Variants in CRLF1 observed in about 807,000 individuals in gnomAD.
The protein encoded by CRLF1 is cytokine receptor-like factor 1.
In CRLF1, 36 loss-of-function variants were observed where a neutral mutation model predicts 48.9. The ratio of observed to expected loss-of-function variants is 0.74; its 90% confidence interval spans 0.56 to 0.97. The LOEUF (loss-of-function observed/expected upper bound fraction) is 0.97. Ranked by LOEUF, CRLF1 falls within the 50% of genes least tolerant of loss-of-function variation. CRLF1 has a pLI of 0.00. For synonymous variants in CRLF1, 256 were observed against 253.4 expected, an observed-to-expected ratio of 1.01 and a Z score of -0.10; for missense variants, 534 against 575.1, an observed-to-expected ratio of 0.93 and a Z score of 0.73.
chr19:18,594,289 CTGGTCG>C lies in CRLF1; in HGVS notation c.1164_1169del (p.Tyr388_Gln390delinsTer). 1 of 1,612,732 alleles carries C rather than the reference CTGGTCG, an allele frequency of 6.2e-7. No homozygotes were observed. The highest frequency in any genetic ancestry group is 1.3e-5 in the African/African-American group (1 of 74,928). ...GCGACTTCTGCATCCAGGCTCGCCA[CTGGTCG>C]TAGAGGCGGAAGCTGAGGTTGGAGC... On this transcript the variant is annotated stop_gained and inframe_deletion, in exon 7 of 9. Transcript: ENST00000392386. LOFTEE classifies it high-confidence loss of function.
rs769963837 is a variant in CRLF1 at position 18,593,612 on chromosome 19, G to T, written c.1256-33C>A. 2.5e-6 allele frequency: 4 copies of T among 1,589,968 alleles called. No individual in the cohort carries two copies. The East Asian group carries it at 6.8e-5, about 27-fold the overall frequency. On this transcript the variant is annotated intron_variant, in intron 8 of 8. Coordinates refer to ENST00000392386, the MANE Select transcript of CRLF1 (RefSeq NM_004750.5). ...CAGAGGGGAAGCCAAGCTAAGCAGG[G>T]AGTCCAGGAGAGGGCCGCACCACAG...
intron 1 of CRLF1, among the ~76,000 whole-genome samples, chr19:18,601,778 C>A (rs1367629604): frequency 5.9e-5 from 9 of 152,098 alleles, no homozygotes; most frequent in Admixed American, 5.9e-4. Flanking sequence ...CTCGGCCAAT[C>A]CTGCTTATAT....
At position 18,606,477 on chromosome 19, in the gene CRLF1, G is replaced by C. The variant is rs1976297999; in HGVS notation, c.115+65C>G. On this transcript the variant is annotated intron_variant, in intron 1 of 8. Coordinates refer to ENST00000392386, the MANE Select transcript of CRLF1 (RefSeq NM_004750.5). The surrounding 1 kb of genome is among the most constrained non-coding windows in gnomAD (Gnocchi z 4.8). ...GGCGCCCGCGCCCCCTCCCCCCGCG[G>C]CTGCCCCCGGGGCGCCCGCCCTCTG... 9.3e-7 allele frequency: 1 copy of C among 1,079,520 alleles called. No homozygotes were observed. Among genetic ancestry groups the C allele is most frequent in the Non-Finnish European group, 1.1e-6 (1 of 889,302 alleles). The allele number at this position is 1,079,520 out of a possible 1,614,324, so 66.9% of individuals were successfully genotyped here. A position where few individuals can be genotyped will look rare whatever the true frequency, so the allele number is the denominator to read the frequency against.
chr19:18,604,595 G>A (rs755644075), intron 1 of CRLF1, among the ~76,000 whole-genome samples: 19 of 152,150 alleles, frequency 1.2e-4, no homozygotes, highest in Non-Finnish European at 2.4e-4. Context: ...CTGGGGTCCC[G>A]GCTGACTAGG....
At chr19:18,600,698 A>G (rs569654174) in intron 1 of CRLF1, among the ~76,000 whole-genome samples, 95 of 152,054 alleles carry the variant, frequency 6.2e-4, no homozygotes, top group Non-Finnish European at 9.0e-4. Context: ...ACGGGGTTTC[A>G]CCATATTGGC....
At chr19:18,604,178 G>T (rs1976258125) in intron 1 of CRLF1, among the ~76,000 whole-genome samples, 1 of 152,114 alleles carries the variant, frequency 6.6e-6, no homozygotes, top group African/African-American at 2.4e-5. Context: ...CCTGGCTGGG[G>T]GGCGCTGCCC....
chr19:18,595,792 G>T (rs530519894), intron 6 of CRLF1, among the ~76,000 whole-genome samples: 1 of 152,356 alleles, frequency 6.6e-6, no homozygotes, highest in African/African-American at 2.4e-5. Flanking sequence ...TGGACCCGGA[G>T]AAATCCCAGA....
At chr19:18,594,008 C>T in intron 8 of CRLF1, 57 bp downstream of exon 8, 1 of 1,538,784 alleles carries the variant, frequency 6.5e-7, no homozygotes, top group Non-Finnish European at 8.8e-7. Flanking sequence ...GACCTGCAGC[C>T]ACCGGAAGGG....
chr19:18,598,329 G>C, intron 4 of CRLF1, 103 bp downstream of exon 4: 1 of 1,337,526 alleles, frequency 7.5e-7, no homozygotes, highest in Non-Finnish European at 1.0e-6. Flanking sequence ...GGGAGGGGCA[G>C]GTGGGACCCT....
At chr19:18,604,926 T>G (rs747354306) in intron 1 of CRLF1, among the ~76,000 whole-genome samples, 83 of 152,100 alleles carry the variant, frequency 5.5e-4, no homozygotes, top group Non-Finnish European at 7.4e-5. Flanking sequence ...GGGAAAAGTG[T>G]GAGATTCTCT....
At chr19:18,600,524 G>A (rs1467737895) in intron 1 of CRLF1, among the ~76,000 whole-genome samples, 4 of 152,070 alleles carry the variant, frequency 2.6e-5, no homozygotes, top group East Asian at 3.9e-4. Context: ...CCGCCACCAC[G>A]CCTGGCTAAT....
In CRLF1 at chr19:18,596,964, G is replaced by A. The variant is rs1976145251; in HGVS notation, c.783C>T (p.Pro261=). 3.1e-6 allele frequency: 5 copies of A among 1,614,030 alleles called. No individual in the cohort carries two copies. The highest frequency in any genetic ancestry group is 3.4e-6 in the Non-Finnish European group (4 of 1,180,008). The change falls in exon 5 of 9, where the codon CCC becomes CCT. Residue 261 remains proline, a synonymous_variant. Coordinates refer to ENST00000392386, the MANE Select transcript of CRLF1 (RefSeq NM_004750.5). ...CTTGAAAGAGGAAATCCTTGAGGGC[G>A]GGTGGCGACACCCAGCGCACGCTCA... ...DQLSVRWVSP[P]ALKDFLFQAK...
chr19:18,594,828 G>A (rs1028678936), intron 6 of CRLF1, among the ~76,000 whole-genome samples: 21 of 152,112 alleles, frequency 1.4e-4, no homozygotes, highest in African/African-American at 4.3e-4. Flanking sequence ...ACGGATGAGA[G>A]AGCCGGGGCC....
chr19:18,594,141 G>A (rs773194299), intron 7 of CRLF1, 34 bp from the exon 8 acceptor site: 2 of 1,586,740 alleles, frequency 1.3e-6, no homozygotes, highest in Admixed American at 1.8e-5. Context: ...GTGTCGTGGG[G>A]GCTGCAGACC....
Position 18,597,431 on chromosome 19 carries a change from C to CTTTTTTTTTTTTTTTTTTTT in CRLF1, c.698-383_698-382insAAAAAAAAAAAAAAAAAAAA, listed in dbSNP as rs765610119. Among the ~76,000 whole-genome samples the CTTTTTTTTTTTTTTTTTTTT allele has an allele frequency of 1.2e-4, 10 of 81,644 alleles. 3 individuals are homozygous for CTTTTTTTTTTTTTTTTTTTT. The highest frequency in any genetic ancestry group is 3.3e-4 in the African/African-American group (5 of 15,268). The allele number at this position is 81,644 out of a possible 152,430, so 53.6% of individuals were successfully genotyped here. ...TCCCCACTCACACCTCCCTTCCACTCTTTTTTTTTTTTTTTTGAGACGGAG... is the reference window on the plus strand; with the variant it reads ...TCCCCACTCACACCTCCCTTCCACTCTTTTTTTTTTTTTTTTTTTTTTTTTTTTTTTTTTTTGAGACGGAG... On this transcript the variant is annotated intron_variant, in intron 4 of 8. Coordinates refer to ENST00000392386, the MANE Select transcript of CRLF1 (RefSeq NM_004750.5).
Position 18,606,293 on chromosome 19 carries a change from C to T in CRLF1, c.115+249G>A, listed in dbSNP as rs950561688. 1.4e-4 allele frequency among the ~76,000 whole-genome samples: 22 copies of T among 151,752 alleles called. No individual in the cohort carries two copies. Among genetic ancestry groups the T allele is most frequent in the Non-Finnish European group, 3.2e-4 (22 of 67,806 alleles). The stretch of plus-strand genomic sequence containing the variant: ...CGCGATCCCCCCAGCCCCCGGGGGC[C>T]TGGCCTGGCGCCCTCGGCCCAGCTG... On this transcript the variant is annotated intron_variant, in intron 1 of 8. Coordinates refer to ENST00000392386, the MANE Select transcript of CRLF1 (RefSeq NM_004750.5). The surrounding 1 kb of genome is among the most constrained non-coding windows in gnomAD (Gnocchi z 4.8).
Position 18,594,310 on chromosome 19 carries a change from G to A in CRLF1, c.1149C>T (p.Leu383=). ...WLKKHAYCSN[L]SFRLYDQWRA... ...GCCACTGGTCGTAGAGGCGGAAGCT[G>A]AGGTTGGAGCAGTACGCGTGCTTCT... Residue 383 remains leucine (L), a synonymous_variant, in exon 7 of 9, where the codon CTC becomes CTT. Coordinates refer to ENST00000392386, the MANE Select transcript of CRLF1 (RefSeq NM_004750.5). 2 of 1,612,642 alleles carry A rather than the reference G, an allele frequency of 1.2e-6. No individual in the cohort carries two copies. The highest frequency in any genetic ancestry group is 2.2e-5 in the East Asian group (1 of 44,828).
chr19:18,595,284 C>A (rs1405220144), intron 6 of CRLF1, among the ~76,000 whole-genome samples: 1 of 152,236 alleles, frequency 6.6e-6, no homozygotes, highest in African/African-American at 2.4e-5. Flanking sequence ...ATCGCAGGTG[C>A]CGGGCACGAG....
At position 18,594,544 on chromosome 19, in the gene CRLF1, C is replaced by T. The variant is rs1976104644; in HGVS notation, c.1025-110G>A. The T allele has an allele frequency of 5.9e-6, 5 of 848,604 alleles. No homozygotes were observed. The Admixed American group carries it at 2.2e-4, about 38-fold the overall frequency. The allele number at this position is 848,604 out of a possible 1,614,324, so 52.6% of individuals were successfully genotyped here. A position where few individuals can be genotyped will look rare whatever the true frequency, so the allele number is the denominator to read the frequency against. ...GACCATGCTCCCCTCGGGGAACCTC[C>T]CTCCCCGTTTCTCAAGGACCGAGTC... On this transcript the variant is annotated intron_variant, in intron 6 of 8. Coordinates refer to ENST00000392386, the MANE Select transcript of CRLF1 (RefSeq NM_004750.5).
Sources: gnomAD v4.1 joint callset for allele counts (sites outside exome capture counted in the v4.1 genomes callset) on GRCh38, gnomAD v4.1.1 for gene constraint, Gnocchi (gnomAD v3.1) non-coding constraint, MANE v1.5 for transcripts, NCBI Gene and HGNC (gene_info 2026-07-23, HGNC 2026-07-21) for gene names.